PPP1R1A: variants seen among roughly 807,000 people sequenced by gnomAD.
The protein encoded by PPP1R1A is protein phosphatase 1 regulatory inhibitor subunit 1A.
A neutral mutation model predicts 23.9 loss-of-function variants in PPP1R1A; 18 were observed. The ratio of observed to expected loss-of-function variants is 0.75; its 90% confidence interval spans 0.52 to 1.12. The LOEUF (loss-of-function observed/expected upper bound fraction) is 1.12. Among genes scored for constraint, PPP1R1A ranks in the 50% most tolerant of loss-of-function variants. The pLI, the probability that PPP1R1A is intolerant of heterozygous loss-of-function variation, is 0.00. For synonymous variants in PPP1R1A, 84 were observed against 80.7 expected (o/e 1.04, Z -0.22); for missense variants, 207 against 223.8 (o/e 0.92, Z 0.48).
chr12:54,582,687 C>G (rs1203938804), intron 4 of PPP1R1A, 45 bp downstream of exon 4: 1 of 1,596,878 alleles, frequency 6.3e-7, no homozygotes, highest in African/African-American at 1.3e-5. Flanking sequence ...TCCTCTTCAG[C>G]TTCAGGCACA....
In PPP1R1A at chr12:54,582,008, T is replaced by A; in HGVS notation, c.371A>T (p.Glu124Val). The A allele has an allele frequency of 3.1e-6, 5 of 1,613,542 alleles. No homozygotes were observed. Among genetic ancestry groups the A allele is most frequent in the Non-Finnish European group, 4.2e-6 (5 of 1,179,686 alleles). ...TGTCCCAGAGGTGCCCAGCCTTGAC[T>A]CCACTTCTGTGTCTGGGATCCCAGG... ...RPPGIPDTEVESRLGTSGTAK... is the reference protein window; with the variant it reads ...RPPGIPDTEVVSRLGTSGTAK... The change falls in exon 5 of 7, where the codon GAG becomes GTG. Residue 124 changes from glutamate (E) to valine (V), a missense_variant. Glu to Val is a moderately radical substitution (Grantham distance 121, BLOSUM62 -2). Transcript: ENST00000257905.
rs568879911 is a variant in PPP1R1A, at chr12:54,584,152, T to A, written c.145+108A>T. ...CTTCCTGCCTTCAGTACTGAGGACA[T>A]CCCCGCCTTCTCAGAGCTGTTCTTC... On this transcript the variant is annotated intron_variant, in intron 2 of 6. Coordinates refer to ENST00000257905, the MANE Select transcript of PPP1R1A (RefSeq NM_006741.4). The A allele has an allele frequency of 1.1e-4, 125 of 1,137,744 alleles. No individual in the cohort carries two copies. The African/African-American group carries it at 1.7e-3, about 16-fold the overall frequency. 70.5% of individuals were successfully genotyped at this position (1,137,744 alleles called of 1,614,324 possible).
intron 1 of PPP1R1A, among the ~76,000 whole-genome samples, chr12:54,586,216 C>T (rs943505350): frequency 6.6e-6 from 1 of 152,162 alleles, no homozygotes; most frequent in Non-Finnish European, 1.5e-5. Flanking sequence ...TGGTCTTGGA[C>T]ACATCACTTC....
At chr12:54,585,176 T>C (rs566253639) in intron 1 of PPP1R1A, among the ~76,000 whole-genome samples, 1 of 152,322 alleles carries the variant, frequency 6.6e-6, no homozygotes, top group East Asian at 1.9e-4. Context: ...ATGTCCTCTC[T>C]GTCCTTGGAT....
At chr12:54,586,283 T>C (rs1224998800) in intron 1 of PPP1R1A, among the ~76,000 whole-genome samples, 2 of 152,180 alleles carry the variant, frequency 1.3e-5, no homozygotes, top group Non-Finnish European at 2.9e-5. Flanking sequence ...TCCTTGGGAA[T>C]CGTGATACCC....
At chr12:54,585,527 G>A (rs1957901300) in intron 1 of PPP1R1A, among the ~76,000 whole-genome samples, 1 of 152,148 alleles carries the variant, frequency 6.6e-6, no homozygotes, top group South Asian at 2.1e-4. Context: ...AAGGATGGGG[G>A]TTAGAGGATG....
Position 54,581,893 on chromosome 12 carries a change from T to C in PPP1R1A, c.403+83A>G. On this transcript the variant is annotated intron_variant, in intron 5 of 6. Transcript: ENST00000257905. This position sits in a 1 kb window ranked among gnomAD's most constrained non-coding sequence, Gnocchi z 4.1. ...TAGGCCTCTCCCAGGCTCCAACTCT[T>C]TCCCCTCCCCGCAGTGGGTAAGGCT... is the stretch of plus-strand genomic sequence containing the variant. 6.7e-7 allele frequency: 1 copy of C among 1,486,388 alleles called. No homozygotes were observed. The highest frequency in any genetic ancestry group is 1.4e-5 in the South Asian group (1 of 72,678). 92.1% of individuals were successfully genotyped at this position (1,486,388 alleles called of 1,614,324 possible).
intron 1 of PPP1R1A, among the ~76,000 whole-genome samples, chr12:54,588,108 C>T (rs1220022124): frequency 2.6e-5 from 4 of 152,038 alleles, no homozygotes; most frequent in Non-Finnish European, 4.4e-5. Flanking sequence ...GGGGTCGTGT[C>T]CTCAAGCAGG....
rs1565713872 is a variant in PPP1R1A at position 54,588,392 on chromosome 12, C to T, written c.84+13G>A. On this transcript the variant is annotated intron_variant, in intron 1 of 6. Transcript: ENST00000257905. ...GCTGGGCGAGTGCCCTGCCGCCCCG[C>T]CCTGCTCCGCACCTGCTCCGCCGCC... 2 of 1,494,890 alleles carry T rather than the reference C, an allele frequency of 1.3e-6. No homozygotes were observed. The highest frequency in any genetic ancestry group is 1.8e-6 in the Non-Finnish European group (2 of 1,117,012). The allele number at this position is 1,494,890 out of a possible 1,614,324, so 92.6% of individuals were successfully genotyped here.
chr12:54,580,918 C>T (rs529826518), intron 6 of PPP1R1A, 26 bp downstream of exon 6: 16 of 1,564,696 alleles, frequency 1.0e-5, no homozygotes, highest in Middle Eastern at 3.3e-4. Context: ...CTCCTATGAC[C>T]TGGCAGCCCA....
rs1153140 is a variant in PPP1R1A at position 54,579,839 on chromosome 12, T to A, written c.*548A>T. 4 of 985,668 alleles carry A rather than the reference T, an allele frequency of 4.1e-6. No individual in the cohort carries two copies. Among genetic ancestry groups the A allele is most frequent in the Admixed American group, 1.2e-4 (2 of 16,294 alleles). 61.1% of individuals were successfully genotyped at this position (985,668 alleles called of 1,614,324 possible). On this transcript the variant is annotated 3_prime_UTR_variant, in exon 7 of 7. Transcript: ENST00000257905. ...GCGAGGAGGTATCGGCACACCACCA[T>A]ACCCTCTTTCCCATGGGCCAAGTGC... is the stretch of plus-strand genomic sequence containing the variant.
intron 1 of PPP1R1A, among the ~76,000 whole-genome samples, chr12:54,587,702 G>A (rs532763186): frequency 6.6e-6 from 1 of 152,242 alleles, no homozygotes; most frequent in Non-Finnish European, 1.5e-5. Flanking sequence ...TCCACCTCTG[G>A]CCTCCCAGTG....
chr12:54,580,357 A>C lies in PPP1R1A; in HGVS notation c.*30T>G, dbSNP rs771257055. The C allele has an allele frequency of 1.2e-6, 2 of 1,613,558 alleles. No homozygotes were observed. Among genetic ancestry groups the C allele is most frequent in the Non-Finnish European group, 1.7e-6 (2 of 1,179,686 alleles). On this transcript the variant is annotated 3_prime_UTR_variant, in exon 7 of 7. Transcript: ENST00000257905. Reference sequence around the variant, plus strand: ...CGGTGTCCATGCATTCCCAAACTGCAGTCTTGATCCCAAGATACCTCCTCC... The same window carrying C: ...CGGTGTCCATGCATTCCCAAACTGCCGTCTTGATCCCAAGATACCTCCTCC...
Position 54,588,436 on chromosome 12 carries a change from T to A in PPP1R1A, c.53A>T (p.Glu18Val), listed in dbSNP as rs1318306893. 2 of 1,498,894 alleles carry A rather than the reference T, an allele frequency of 1.3e-6. No homozygotes were observed. The highest frequency in any genetic ancestry group is 2.5e-5 in the South Asian group (2 of 79,476). The allele number at this position is 1,498,894 out of a possible 1,614,324, so 92.8% of individuals were successfully genotyped here. A position where few individuals can be genotyped will look rare whatever the true frequency, so the allele number is the denominator to read the frequency against. ...CGCCGCCTCGGGGTCAAGGTGCGGC[T>A]CCAGCAGCGGGACCGTGAACTGGAT... The part of the protein sequence containing the change: ...RKIQFTVPLL[E>V]PHLDPEAAEQ... The change falls in exon 1 of 7, where the codon GAG becomes GTG. Residue 18 changes from glutamate to valine, a missense_variant. Physicochemically the swap from Glu to Val is moderately radical, Grantham distance 121. Transcript: ENST00000257905.
At chr12:54,582,521 T>G (rs1041064073) in intron 4 of PPP1R1A, among the ~76,000 whole-genome samples, 3 of 152,168 alleles carry the variant, frequency 2.0e-5, no homozygotes, top group African/African-American at 7.2e-5. Context: ...TCTGCCATAA[T>G]GAGGTAGTAT....
intron 1 of PPP1R1A, 56 bp from the exon 2 acceptor site, chr12:54,584,376 C>T (rs1957888315): frequency 2.0e-6 from 3 of 1,473,954 alleles, no homozygotes; most frequent in Non-Finnish European, 2.8e-6. Context: ...GCATCAAAGC[C>T]CCACCCAAAA....
intron 1 of PPP1R1A, among the ~76,000 whole-genome samples, chr12:54,587,414 G>A (rs1349489231): frequency 1.3e-5 from 2 of 152,332 alleles, no homozygotes; most frequent in African/African-American, 4.8e-5. Flanking sequence ...AGATTACAAA[G>A]AGATGGAGCA....
intron 2 of PPP1R1A, 38 bp from the exon 3 acceptor site, chr12:54,583,286 G>A (rs536863239): frequency 1.4e-6 from 2 of 1,459,342 alleles, no homozygotes; most frequent in East Asian, 5.1e-5. Flanking sequence ...GATAAGGACA[G>A]GAAACCAGGG....
chr12:54,588,302 G>A, intron 1 of PPP1R1A, 103 bp downstream of exon 1: 1 of 490,848 alleles, frequency 2.0e-6, no homozygotes, highest in East Asian at 5.8e-5. Flanking sequence ...TCAAAAGGGC[G>A]CACTGCTAAG....
Sources: gnomAD v4.1 joint callset for allele counts (sites outside exome capture counted in the v4.1 genomes callset) on GRCh38, gnomAD v4.1.1 for gene constraint, Gnocchi (gnomAD v3.1) non-coding constraint, MANE v1.5 for transcripts, NCBI Gene and HGNC (gene_info 2026-07-23, HGNC 2026-07-21) for gene names.